KATNIP: variants seen among roughly 807,000 people sequenced by gnomAD.
KATNIP encodes katanin-interacting protein.
A neutral mutation model predicts 174.0 loss-of-function variants in KATNIP; 126 were observed. The ratio of observed to expected loss-of-function variants is 0.72; its 90% CI spans 0.63 to 0.84. The LOEUF (loss-of-function observed/expected upper bound fraction) is 0.84. Among genes scored for constraint, KATNIP ranks in the 40% least tolerant of loss-of-function variants. The pLI is 0.00. For missense variants in KATNIP, 1,958 were observed against 2,109.7 expected (o/e 0.93, Z 1.41); for synonymous variants, 810 against 835.7 (o/e 0.97, Z 0.53).
intron 14 of KATNIP, among the ~76,000 whole-genome samples, chr16:27,723,480 C>G (rs1004999171): frequency 1.3e-5 from 2 of 152,006 alleles, no homozygotes; most frequent in African/African-American, 4.8e-5. Context: ...TGCCCCCTGC[C>G]CCCTGCCCCT....
intron 16 of KATNIP, 74 bp downstream of exon 16, chr16:27,750,380 C>T (rs1301028621): frequency 1.2e-5 from 18 of 1,447,182 alleles, no homozygotes; most frequent in Non-Finnish European, 1.7e-5. Flanking sequence ...AAAAAACAGA[C>T]CAGCTGGCTA....
chr16:27,715,887 T>C (rs1486166484), intron 13 of KATNIP, among the ~76,000 whole-genome samples: 1 of 152,022 alleles, frequency 6.6e-6, no homozygotes, highest in Non-Finnish European at 1.5e-5. Flanking sequence ...GCTTAGCAAT[T>C]TCTCAAAAAG....
chr16:27,552,693 T>G (rs923821429), intron 1 of KATNIP, among the ~76,000 whole-genome samples: 4 of 142,684 alleles, frequency 2.8e-5, no homozygotes, highest in South Asian at 2.3e-4. Flanking sequence ...GCAGTTTTTT[T>G]TTTTTTTTTT....
chr16:27,702,733 G>T (rs1232120084), intron 11 of KATNIP, among the ~76,000 whole-genome samples: 13 of 152,186 alleles, frequency 8.5e-5, no homozygotes, highest in Admixed American at 8.5e-4. Context: ...TACCTAGAGG[G>T]AGCCCTTTGT....
At chr16:27,664,834 A>C (rs2142541845) in intron 6 of KATNIP, among the ~76,000 whole-genome samples, 1 of 152,298 alleles carries the variant, frequency 6.6e-6, no homozygotes, top group Non-Finnish European at 1.5e-5. Flanking sequence ...CAAAAATTTC[A>C]GGGCCGTAAA....
chr16:27,561,140 T>C (rs2089864522), intron 1 of KATNIP, among the ~76,000 whole-genome samples: 1 of 151,800 alleles, frequency 6.6e-6, no homozygotes. Context: ...GCCTCCCAAG[T>C]AGCTGGGACT....
chr16:27,673,261 T>TTA (rs1332387551), intron 6 of KATNIP, among the ~76,000 whole-genome samples: 3 of 152,216 alleles, frequency 2.0e-5, no homozygotes, highest in Non-Finnish European at 4.4e-5. Flanking sequence ...TTGAAAATGT[T>TTA]TTCTAGAGTA....
intron 3 of KATNIP, among the ~76,000 whole-genome samples, chr16:27,620,201 G>A (rs1013885217): frequency 6.6e-6 from 1 of 152,222 alleles, no homozygotes; most frequent in African/African-American, 2.4e-5. Flanking sequence ...TTGGGGGGAC[G>A]TGTTGTCACC....
chr16:27,634,621 C>G (rs978580393), intron 5 of KATNIP, among the ~76,000 whole-genome samples: 1 of 152,208 alleles, frequency 6.6e-6, no homozygotes, highest in Admixed American at 6.5e-5. Flanking sequence ...GCCCCGCAGC[C>G]TGGCTAGCCA....
At chr16:27,638,673 G>A (rs993451879) in intron 5 of KATNIP, among the ~76,000 whole-genome samples, 9 of 152,080 alleles carry the variant, frequency 5.9e-5, no homozygotes, top group Middle Eastern at 3.4e-3. Context: ...GGGGCCACAC[G>A]GTCGCCTTGT....
chr16:27,604,686 T>C (rs559928061), intron 2 of KATNIP, among the ~76,000 whole-genome samples: 12 of 152,280 alleles, frequency 7.9e-5, no homozygotes, highest in African/African-American at 2.2e-4. Context: ...AAATGCATCA[T>C]TGTGTGAAAT....
At chr16:27,657,006 G>A (rs1452686199) in intron 6 of KATNIP, among the ~76,000 whole-genome samples, 1 of 151,656 alleles carries the variant, frequency 6.6e-6, no homozygotes, top group African/African-American at 2.4e-5. Context: ...TGAGGGAGAG[G>A]AATTGCTACA....
chr16:27,726,694 G>A (rs2080464998), intron 14 of KATNIP, among the ~76,000 whole-genome samples: 1 of 152,208 alleles, frequency 6.6e-6, no homozygotes, highest in African/African-American at 2.4e-5. Context: ...GCCACAGGGA[G>A]GAGGAGGCTG....
chr16:27,656,804 G>A, intron 6 of KATNIP, among the ~76,000 whole-genome samples: 1 of 125,520 alleles, frequency 8.0e-6, no homozygotes. Flanking sequence ...AGGGGAGGGG[G>A]GAGGGATAGC....
Position 27,578,129 on chromosome 16 carries a change from C to T in KATNIP, c.63+4173C>T, listed in dbSNP as rs1378324353. 4.6e-5 allele frequency among the ~76,000 whole-genome samples: 7 copies of T among 152,094 alleles called. 1 individual carries two copies. Among genetic ancestry groups the T allele is most frequent in the Admixed American group, 2.6e-4 (4 of 15,262 alleles). On this transcript the variant is annotated intron_variant, in intron 2 of 27. Coordinates refer to ENST00000261588, the MANE Select transcript of KATNIP (RefSeq NM_015202.5). ...TCCCCTAAGTGGTTCCAATGTGCAGCCATGCATGAGAACCAGCTCTTTCCA... is the reference window on the plus strand; with the variant it reads ...TCCCCTAAGTGGTTCCAATGTGCAGTCATGCATGAGAACCAGCTCTTTCCA...
chr16:27,594,718 G>C (rs958280426), intron 2 of KATNIP, among the ~76,000 whole-genome samples: 6 of 152,172 alleles, frequency 3.9e-5, no homozygotes, highest in African/African-American at 1.4e-4. Context: ...TGCCCAAAGT[G>C]CTGGGATTAC....
At chr16:27,762,818 C>T (rs952419322) in intron 19 of KATNIP, among the ~76,000 whole-genome samples, 1 of 152,208 alleles carries the variant, frequency 6.6e-6, no homozygotes, top group African/African-American at 2.4e-5. Flanking sequence ...AGGCTTGGAG[C>T]CTGGAGACCT....
chr16:27,602,953 G>A (rs985281798), intron 2 of KATNIP, among the ~76,000 whole-genome samples: 1 of 152,198 alleles, frequency 6.6e-6, no homozygotes, highest in African/African-American at 2.4e-5. Context: ...TCTCATCTCT[G>A]CCTCCCAAAG....
chr16:27,773,062 A>C, intron 22 of KATNIP, 37 bp from the exon 23 acceptor site: 1 of 1,281,570 alleles, frequency 7.8e-7, no homozygotes, highest in South Asian at 1.3e-5. Flanking sequence ...CTGAAAAAAA[A>C]AAATTAAGCC....
Sources: gnomAD v4.1 joint callset for allele counts (sites outside exome capture counted in the v4.1 genomes callset) on GRCh38, gnomAD v4.1.1 for gene constraint, MANE v1.5 for transcripts, NCBI Gene and HGNC (gene_info 2026-07-23, HGNC 2026-07-21) for gene names.